The following ACADM variants were observed in gnomAD, a reference collection of about 807,000 sequenced individuals.
ACADM encodes medium-chain specific acyl-CoA dehydrogenase, mitochondrial.
ACADM carries 49 observed loss-of-function variants against 58.9 expected under a neutral mutation model. That is an observed-to-expected ratio of 0.83 (90% CI 0.66 to 1.06). ACADM has a LOEUF of 1.06. Among genes scored for constraint, ACADM ranks in the 50% least tolerant of loss-of-function variants. The pLI, the probability that ACADM is intolerant of heterozygous loss-of-function variation, is 0.00. For missense variants in ACADM, 496 were observed against 507.0 expected, an observed-to-expected ratio of 0.98 and a Z score of 0.21; for synonymous variants, 160 against 157.7, an observed-to-expected ratio of 1.01 and a Z score of -0.11.
chr1:75,727,981 T>C (rs567968067), intron 1 of ACADM, among the ~76,000 whole-genome samples: 3 of 152,154 alleles, frequency 2.0e-5, no homozygotes, highest in Non-Finnish European at 2.9e-5. Flanking sequence ...AGTGACAGGG[T>C]ATCAAAGTTG....
intron 7 of ACADM, chr1:75,744,595 C>T (rs1647782621): frequency 2.4e-6 from 3 of 1,274,344 alleles, no homozygotes; most frequent in Non-Finnish European, 3.4e-6. Context: ...AGTTGTAGTT[C>T]TGAAGAAGCG....
chr1:75,731,830 G>A (rs1647153863), intron 2 of ACADM, among the ~76,000 whole-genome samples: 1 of 152,078 alleles, frequency 6.6e-6, no homozygotes, highest in Non-Finnish European at 1.5e-5. Context: ...TTCAAGACCA[G>A]CCTGGCATCA....
intron 6 of ACADM, among the ~76,000 whole-genome samples, chr1:75,737,318 A>ATG (rs1405565103): frequency 8.2e-6 from 1 of 122,582 alleles, no homozygotes; most frequent in Non-Finnish European, 1.8e-5. Flanking sequence ...ATATATATAT[A>ATG]TATATATATG....
intron 8 of ACADM, among the ~76,000 whole-genome samples, chr1:75,747,650 A>G (rs1255516870): frequency 6.6e-6 from 1 of 152,146 alleles, no homozygotes; most frequent in Non-Finnish European, 1.5e-5. Flanking sequence ...AGCCAGTGGC[A>G]GTGGCGCACA....
intron 1 of ACADM, 124 bp downstream of exon 1, chr1:75,724,941 AG>A (rs1647024960): frequency 9.5e-7 from 1 of 1,048,194 alleles, no homozygotes; most frequent in African/African-American, 1.6e-5. Flanking sequence ...GGAAGGAGCC[AG>A]CCTAGGGGCC....
intron 4 of ACADM, 66 bp from the exon 5 acceptor site, chr1:75,733,462 G>C (rs1326132332): frequency 4.1e-6 from 6 of 1,451,448 alleles, no homozygotes; most frequent in Non-Finnish European, 5.8e-6. Context: ...AATTAAAATA[G>C]TTTACCTTTA....
At position 75,761,342 on chromosome 1, in the gene ACADM, A is replaced by G. The variant is rs113288586; in HGVS notation, c.1166A>G (p.Lys389Arg). The part of the protein sequence containing the change: ...NGFNTEYPVE[K>R]LMRDAKIYQI... The stretch of plus-strand genomic sequence containing the variant: ...TTTAATACAGAATATCCTGTAGAAA[A>G]ACTAATGAGGGATGCCAAAATCTAT... The change falls in exon 11 of 12, where the codon AAA (lysine) becomes AGA (arginine). Residue 389 changes from lysine (K) to arginine (R), a missense_variant. By Grantham distance (26) the Lys-to-Arg change is conservative. Transcript: ENST00000370841. 1.2e-6 allele frequency: 2 copies of G among 1,614,090 alleles called. No homozygotes were observed. The highest frequency in any genetic ancestry group is 2.2e-5 in the South Asian group (2 of 91,090).
At chr1:75,733,138 A>G (rs1488829995) in intron 4 of ACADM, 1 of 1,612,768 alleles carries the variant, frequency 6.2e-7, no homozygotes, top group Non-Finnish European at 8.5e-7. Context: ...CTTAACTTGC[A>G]CCTAAACCTT....
chr1:75,756,306 T>A lies in ACADM; in HGVS notation c.946-4816T>A, dbSNP rs901403268. On this transcript the variant is annotated intron_variant, in intron 10 of 11. Coordinates refer to ENST00000370841, the MANE Select transcript of ACADM (RefSeq NM_000016.6). Reference sequence around the variant, plus strand: ...GTTTGCACATGTCATGATTGTTTATTTAGAAAACCCCATCATATCATCCCA... The same window carrying A: ...GTTTGCACATGTCATGATTGTTTATATAGAAAACCCCATCATATCATCCCA... 2.0e-5 allele frequency among the ~76,000 whole-genome samples: 3 copies of A among 152,122 alleles called. No individual in the cohort carries two copies. The East Asian group carries it at 5.8e-4, about 29-fold the overall frequency.
intron 1 of ACADM, among the ~76,000 whole-genome samples, chr1:75,725,365 C>A (rs1019574727): frequency 1.3e-5 from 2 of 152,046 alleles, no homozygotes; most frequent in African/African-American, 4.8e-5. Flanking sequence ...CTTAAATATT[C>A]TTGATATGTT....
At chr1:75,749,743 T>C (rs1648100828) in intron 9 of ACADM, among the ~76,000 whole-genome samples, 184 bp downstream of exon 9, 2 of 142,578 alleles carry the variant, frequency 1.4e-5, no homozygotes, top group Non-Finnish European at 3.0e-5. Context: ...AGACAGAGTC[T>C]CACTCTGTCA....
At chr1:75,724,884 C>T in intron 1 of ACADM, 67 bp downstream of exon 1, 1 of 1,346,954 alleles carries the variant, frequency 7.4e-7, no homozygotes, top group Non-Finnish European at 9.6e-7. Context: ...GCAGGGGGCC[C>T]TGGGCCAAAA....
rs121434276 is a variant in ACADM at position 75,749,440 on chromosome 1, T to C, written c.730T>C (p.Cys244Arg). 1.2e-6 allele frequency: 2 copies of C among 1,614,048 alleles called. No homozygotes were observed. Among genetic ancestry groups the C allele is most frequent in the Non-Finnish European group, 1.7e-6 (2 of 1,179,944 alleles). ...TTAGGAATTAAACATGGGCCAGCGATGTTCAGATACTAGAGGAATTGTCTT... is the reference window on the plus strand; with the variant it reads ...TTAGGAATTAAACATGGGCCAGCGACGTTCAGATACTAGAGGAATTGTCTT... The part of the protein sequence containing the change: ...GRKELNMGQR[C>R]SDTRGIVFED... Residue 244 changes from cysteine to arginine, a missense_variant, in exon 9 of 12, where the codon TGT becomes CGT. Transcript: ENST00000370841.
At chr1:75,731,611 CAA>C (rs989711655) in intron 2 of ACADM, among the ~76,000 whole-genome samples, 17 of 152,190 alleles carry the variant, frequency 1.1e-4, no homozygotes, top group African/African-American at 3.9e-4. Context: ...TTTATGTAAA[CAA>C]ATTGTTGGAC....
At chr1:75,746,828 G>A (rs1647930512) in intron 8 of ACADM, among the ~76,000 whole-genome samples, 1 of 151,922 alleles carries the variant, frequency 6.6e-6, no homozygotes, top group Admixed American at 6.6e-5. Context: ...CAGACTCCTG[G>A]GCTCAAGCAA....
At chr1:75,750,116 T>A (rs1166478294) in intron 9 of ACADM, among the ~76,000 whole-genome samples, 1 of 152,156 alleles carries the variant, frequency 6.6e-6, no homozygotes, top group Non-Finnish European at 1.5e-5. Flanking sequence ...GGTGCTAGAT[T>A]TAGAGAGGCA....
chr1:75,762,771 A>C lies in ACADM; in HGVS notation c.*8A>C. 1 of 1,538,902 alleles carries C rather than the reference A, an allele frequency of 6.5e-7. No homozygotes were observed. Among genetic ancestry groups the C allele is most frequent in the Non-Finnish European group, 9.0e-7 (1 of 1,113,466 alleles). ...GACAAGTACAAAAATTAAAAAAATT[A>C]CTGTAGAAATATTGAATAACTAGAA... On this transcript the variant is annotated 3_prime_UTR_variant, in exon 12 of 12. Coordinates refer to ENST00000370841, the MANE Select transcript of ACADM (RefSeq NM_000016.6).
chr1:75,724,859 T>G (rs1570843452), intron 1 of ACADM, 42 bp downstream of exon 1: 1 of 1,408,126 alleles, frequency 7.1e-7, no homozygotes, highest in Non-Finnish European at 9.3e-7. Context: ...GGAACATGGG[T>G]ATTGTGGTGT....
At chr1:75,735,819 G>A (rs907165815) in intron 6 of ACADM, among the ~76,000 whole-genome samples, 5 of 146,778 alleles carry the variant, frequency 3.4e-5, no homozygotes, top group Admixed American at 2.1e-4. Context: ...TCCAGCCTGG[G>A]CAACAGAGTG....
Sources: gnomAD v4.1 joint callset for allele counts (sites outside exome capture counted in the v4.1 genomes callset) on GRCh38, gnomAD v4.1.1 for gene constraint, MANE v1.5 for transcripts, NCBI Gene and HGNC (gene_info 2026-07-23, HGNC 2026-07-21) for gene names.